The following CELF2 variants were observed in gnomAD, a reference collection of about 807,000 sequenced individuals.
CELF2 encodes CUG triplet repeat RNA-binding protein 2.
In CELF2, 8 loss-of-function variants were observed where a neutral mutation model predicts 62.6. The observed-to-expected ratio is 0.13, with a 90% CI of 0.07 to 0.23. The LOEUF is 0.23. CELF2 is among the 10% of genes least tolerant of loss of function. CELF2 has a pLI of 1.00. For missense variants in CELF2, 333 were observed against 671.0 expected, an observed-to-expected ratio of 0.50 and a Z score of 5.56; for synonymous variants, 258 against 250.0, an observed-to-expected ratio of 1.03 and a Z score of -0.30.
At chr10:10,501,608 A>T in the CELF2 span, among the ~76,000 whole-genome samples, 1 of 152,162 alleles carries the variant, frequency 6.6e-6, no homozygotes. Flanking sequence ...CATTGTTGGT[A>T]TATACAAGTG....
At chr10:11,026,413 A>G (rs2059217500) in intron 1 of CELF2, among the ~76,000 whole-genome samples, 1 of 152,166 alleles carries the variant, frequency 6.6e-6, no homozygotes, top group Admixed American at 6.5e-5. Flanking sequence ...TTCTCTTTGG[A>G]ACTCGGGGGG....
At chr10:11,132,965 TAA>T (rs1273271950) in intron 1 of CELF2, among the ~76,000 whole-genome samples, 8 of 152,202 alleles carry the variant, frequency 5.3e-5, no homozygotes. Context: ...GAAGCTACAC[TAA>T]TATGAGCAGG....
the CELF2 span, among the ~76,000 whole-genome samples, chr10:10,589,326 T>C: frequency 6.6e-6 from 1 of 152,162 alleles, no homozygotes; most frequent in Admixed American, 6.5e-5. Context: ...AGACAATAGA[T>C]GGCAAATGTT....
rs560219972 is a variant in CELF2 at position 10,916,337 on chromosome 10, C to A, written c.54-3627C>A. The stretch of plus-strand genomic sequence containing the variant: ...TGTTTCATTTTGTTAAAATTTGGAG[C>A]TACATGCACCAATGAAATCATCAGG... On this transcript the variant is annotated intron_variant, in intron 1 of 13. Transcript: ENST00000636488. Among the ~76,000 whole-genome samples, 3 of 152,284 alleles carry A rather than the reference C, an allele frequency of 2.0e-5. No individual in the cohort carries two copies. The South Asian group carries it at 6.2e-4, about 32-fold the overall frequency.
intron 4 of CELF2, among the ~76,000 whole-genome samples, chr10:11,254,886 A>ATCCCATCTCTCCCCTTCCTG (rs374880402): frequency 1.6e-4 from 24 of 151,976 alleles, no homozygotes; most frequent in East Asian, 1.9e-4. Context: ...CCCCCTTTCC[A>ATCCCATCTCTCCCCTTCCTG]TCCCATCTCT....
At chr10:10,903,361 T>A (rs1339407210) in intron 1 of CELF2, among the ~76,000 whole-genome samples, 1 of 152,230 alleles carries the variant, frequency 6.6e-6, no homozygotes. Flanking sequence ...CTTCTAGGAC[T>A]GAGTTTTTGT....
intron 3 of CELF2, among the ~76,000 whole-genome samples, chr10:11,245,107 A>G (rs554918814): frequency 6.6e-6 from 1 of 152,346 alleles, no homozygotes; most frequent in South Asian, 2.1e-4. Context: ...ACGAGCAGTC[A>G]TACTGGGTCA....
upstream of CELF2, among the ~76,000 whole-genome samples, chr10:10,797,242 C>T (rs1032078379): frequency 7.2e-5 from 11 of 152,150 alleles, no homozygotes; most frequent in African/African-American, 2.7e-4. Context: ...TTCCTCCGGG[C>T]TGATGCTTTC....
At chr10:10,608,661 C>T in the CELF2 span, among the ~76,000 whole-genome samples, 1 of 152,068 alleles carries the variant, frequency 6.6e-6, no homozygotes. Flanking sequence ...GACAGCATTC[C>T]ACTTGTGTCC....
chr10:10,839,017 A>G (rs1329528542), intron 1 of CELF2, among the ~76,000 whole-genome samples: 1 of 152,126 alleles, frequency 6.6e-6, no homozygotes, highest in African/African-American at 2.4e-5. Context: ...GTGGTGGCAC[A>G]CACCTGTAGT....
intron 8 of CELF2, among the ~76,000 whole-genome samples, chr10:11,286,064 A>G (rs2091214792): frequency 6.6e-6 from 1 of 152,248 alleles, no homozygotes; most frequent in Non-Finnish European, 1.5e-5. Context: ...CATTAAATGT[A>G]AACCCTGTCT....
the CELF2 span, among the ~76,000 whole-genome samples, chr10:10,581,909 T>A: frequency 6.6e-6 from 1 of 151,990 alleles, no homozygotes; most frequent in Non-Finnish European, 1.5e-5. Flanking sequence ...GTGCCTGTAA[T>A]CCCAGCTACT....
At chr10:10,900,961 G>A (rs908472786) in intron 1 of CELF2, among the ~76,000 whole-genome samples, 1 of 152,114 alleles carries the variant, frequency 6.6e-6, no homozygotes, top group Non-Finnish European at 1.5e-5. Flanking sequence ...ATTAAGCCTT[G>A]GGGGATAAAT....
chr10:10,615,930 A>G, the CELF2 span, among the ~76,000 whole-genome samples: 23 of 152,330 alleles, frequency 1.5e-4, no homozygotes, highest in East Asian at 4.0e-3. Context: ...CCTAAGAACA[A>G]GAAAGCTATG....
At position 11,319,100 on chromosome 10, in the gene CELF2, G is replaced by A. The variant is rs145473546; in HGVS notation, c.1097-2089G>A. The A allele has an allele frequency of 9.1e-5, 43 of 470,036 alleles. No homozygotes were observed. The highest frequency in any genetic ancestry group is 2.4e-4 in the African/African-American group (12 of 50,182). The allele number at this position is 470,036 out of a possible 1,614,324, so 29.1% of individuals were successfully genotyped here. On this transcript the variant is annotated intron_variant, in intron 10 of 12. Coordinates refer to ENST00000633077, the MANE Select transcript of CELF2 (RefSeq NM_001326342.2). This position sits in a 1 kb window ranked among gnomAD's most constrained non-coding sequence, Gnocchi z 4.4. ...TCATGCCTTGAGATCCAAGCAGAGC[G>A]GCGAGTCGCCGCTCCTCTCCCGCCA...
intron 2 of CELF2, among the ~76,000 whole-genome samples, chr10:10,962,746 T>C (rs1372974303): frequency 6.6e-6 from 1 of 152,126 alleles, no homozygotes; most frequent in African/African-American, 2.4e-5. Flanking sequence ...AATGTCTTTT[T>C]CAGCAACTAA....
chr10:10,723,239 G>A, the CELF2 span, among the ~76,000 whole-genome samples: 87 of 152,256 alleles, frequency 5.7e-4, 1 homozygote, highest in Non-Finnish European at 1.1e-3. Flanking sequence ...GAAGCATTGC[G>A]CTGTGAGTAT....
At chr10:10,893,740 G>A (rs1252868488) in intron 1 of CELF2, among the ~76,000 whole-genome samples, 2 of 152,182 alleles carry the variant, frequency 1.3e-5, no homozygotes, top group East Asian at 3.8e-4. Context: ...GGGAGCAGGA[G>A]CAAGAGACGG....
the CELF2 span, among the ~76,000 whole-genome samples, chr10:10,597,970 C>G: frequency 6.6e-6 from 1 of 152,058 alleles, no homozygotes; most frequent in Admixed American, 6.5e-5. Flanking sequence ...TTTAATGAAT[C>G]GAGTCTAAGG....
Sources: gnomAD v4.1 joint callset for allele counts (sites outside exome capture counted in the v4.1 genomes callset) on GRCh38, gnomAD v4.1.1 for gene constraint, Gnocchi (gnomAD v3.1) non-coding constraint, MANE v1.5 for transcripts, NCBI Gene and HGNC (gene_info 2026-07-23, HGNC 2026-07-21) for gene names.